Variants in CSGALNACT1 observed in about 807,000 individuals in gnomAD.
The protein encoded by CSGALNACT1 is beta4GalNAcT-1.
In CSGALNACT1, 52 loss-of-function variants were observed where a neutral mutation model predicts 51.0. The observed-to-expected ratio is 1.02, with a 90% CI of 0.82 to 1.29. The LOEUF (loss-of-function observed/expected upper bound fraction) is 1.29, where lower values mean the gene tolerates loss of function less well. Among genes scored for constraint, CSGALNACT1 ranks in the 50% most tolerant of loss-of-function variants. The pLI is 0.00. For synonymous variants in CSGALNACT1, 341 were observed against 254.4 expected (o/e 1.34, Z -3.24); for missense variants, 935 against 679.2 (o/e 1.38, Z -4.19).
intron 3 of CSGALNACT1, among the ~76,000 whole-genome samples, chr8:19,551,696 G>A (rs908495884): frequency 5.9e-5 from 9 of 151,980 alleles, no homozygotes; most frequent in Admixed American, 1.3e-4. Flanking sequence ...CTTGGCTTTC[G>A]GTACTCTCCC....
chr8:19,458,308 G>C, intron 5 of CSGALNACT1, 118 bp downstream of exon 4: 3 of 913,508 alleles, frequency 3.3e-6, no homozygotes, highest in Admixed American at 3.4e-5. Flanking sequence ...AAACAGAGCT[G>C]AATAAGAGAA....
intron 1 of CSGALNACT1, among the ~76,000 whole-genome samples, chr8:19,751,503 T>C (rs977235179): frequency 1.3e-5 from 2 of 152,186 alleles, no homozygotes; most frequent in African/African-American, 4.8e-5. Context: ...CTGAATCCTC[T>C]GTTCCAGATT....
intron 3 of CSGALNACT1, among the ~76,000 whole-genome samples, chr8:19,554,539 G>A (rs2089195408): frequency 2.3e-5 from 1 of 44,110 alleles, no homozygotes; most frequent in Non-Finnish European, 4.0e-5. Context: ...CAACCATATT[G>A]AGCAAACTGA....
rs1564387675 is a variant in CSGALNACT1 at position 19,667,099 on chromosome 8, G to GAAA, written c.-544+15373_-544+15374insTTT. The stretch of plus-strand genomic sequence containing the variant: ...AGAAAGAAAGAAAGAAAGAAAGAAA[G>GAAA]GGAAAGAAATCTCATCACAATATCA... On this transcript the variant is annotated intron_variant, in intron 1 of 9. Transcript: ENST00000332246. Among the ~76,000 whole-genome samples, 187 of 111,556 alleles carry GAAA rather than the reference G, an allele frequency of 1.7e-3. 27 individuals are homozygous for GAAA. Among genetic ancestry groups the GAAA allele is most frequent in the Middle Eastern group, 4.2e-3 (1 of 236 alleles). 73.2% of individuals were successfully genotyped at this position (111,556 alleles called of 152,430 possible).
intron 6 of CSGALNACT1, among the ~76,000 whole-genome samples, chr8:19,439,492 C>T (rs1339073627): frequency 5.3e-5 from 8 of 152,212 alleles, no homozygotes; most frequent in Non-Finnish European, 2.9e-5. Flanking sequence ...AATTCCTACT[C>T]TGCAACATAA....
intron 1 of CSGALNACT1, among the ~76,000 whole-genome samples, chr8:19,614,377 T>G (rs1193950380): frequency 6.6e-6 from 1 of 152,206 alleles, no homozygotes; most frequent in Non-Finnish European, 1.5e-5. Flanking sequence ...CCATCCTGCC[T>G]CATAACACAA....
At chr8:19,420,490 T>G in exon 7 of CSGALNACT1, 1 of 1,614,112 alleles carries the variant, frequency 6.2e-7, no homozygotes, top group South Asian at 1.1e-5. Context: ...TTCAGCTGGA[T>G]GAAGGTAAAG....
chr8:19,553,614 TAAATAC>T (rs1564019266), intron 3 of CSGALNACT1, among the ~76,000 whole-genome samples: 1 of 134,430 alleles, frequency 7.4e-6, no homozygotes, highest in African/African-American at 3.1e-5. Flanking sequence ...TTTATGTATA[TAAATAC>T]ATATATATAT....
intron 1 of CSGALNACT1, among the ~76,000 whole-genome samples, chr8:19,742,320 G>A (rs984740432): frequency 4.6e-5 from 7 of 152,196 alleles, no homozygotes; most frequent in Non-Finnish European, 1.0e-4. Context: ...CCACAGTGCC[G>A]TATAAACTGA....
intron 1 of CSGALNACT1, among the ~76,000 whole-genome samples, chr8:19,737,537 G>C (rs1046746000): frequency 7.3e-5 from 11 of 149,818 alleles, no homozygotes; most frequent in Non-Finnish European, 1.0e-4. Context: ...ATTTCTAAGA[G>C]AACAACTGGA....
chr8:19,466,130 G>T (rs1368265232), intron 4 of CSGALNACT1, among the ~76,000 whole-genome samples: 1 of 152,104 alleles, frequency 6.6e-6, no homozygotes, highest in Non-Finnish European at 1.5e-5. Context: ...TGAAAGGGGG[G>T]ATTTTTAATG....
chr8:19,743,174 T>G (rs536797126), intron 1 of CSGALNACT1, among the ~76,000 whole-genome samples: 1 of 152,322 alleles, frequency 6.6e-6, no homozygotes, highest in African/African-American at 2.4e-5. Context: ...AAAGCCACTT[T>G]CAAAACCCCA....
At chr8:19,405,983 G>T in exon 10 of CSGALNACT1, 1 of 1,614,170 alleles carries the variant, frequency 6.2e-7, no homozygotes, top group Non-Finnish European at 8.5e-7. Context: ...ACAGGCGTCC[G>T]TACCACTATG....
chr8:19,755,475 A>AAAAAAAAAAAAAAAAAAAC (rs1277905827), intron 1 of CSGALNACT1, among the ~76,000 whole-genome samples: 1 of 149,422 alleles, frequency 6.7e-6, no homozygotes. Context: ...AAAAAAAAAA[A>AAAAAAAAAAAAAAAAAAAC]AAAAAAGACA....
exon 4 of CSGALNACT1, chr8:19,505,252 C>T: frequency 6.2e-7 from 1 of 1,614,148 alleles, no homozygotes; most frequent in Non-Finnish European, 8.5e-7. Flanking sequence ...CTGTTCTCTG[C>T]AGGACTGTTC....
At chr8:19,528,594 TTTCTGAG>T (rs2082164906) in intron 3 of CSGALNACT1, among the ~76,000 whole-genome samples, 1 of 91,600 alleles carries the variant, frequency 1.1e-5, no homozygotes, top group African/African-American at 6.0e-5. Context: ...AGAATTACTC[TTTCTGAG>T]GAGATCCAAT....
intron 1 of CSGALNACT1, among the ~76,000 whole-genome samples, chr8:19,644,037 T>G (rs1235515786): frequency 6.6e-6 from 1 of 152,348 alleles, no homozygotes; most frequent in Non-Finnish European, 1.5e-5. Flanking sequence ...GTAATTTACA[T>G]GCCTAACATT....
chr8:19,668,505 G>C (rs1441723384), intron 1 of CSGALNACT1, among the ~76,000 whole-genome samples: 2 of 152,254 alleles, frequency 1.3e-5, no homozygotes, highest in Non-Finnish European at 2.9e-5. Context: ...TACTTCATGA[G>C]TAAACTCAAA....
intron 6 of CSGALNACT1, among the ~76,000 whole-genome samples, chr8:19,430,150 A>G (rs1459837742): frequency 2.6e-5 from 4 of 152,204 alleles, no homozygotes; most frequent in Non-Finnish European, 5.9e-5. Context: ...TTATCCCATT[A>G]TATAAGCTGT....
Sources: allele counts gnomAD v4.1 joint callset (sites outside exome capture counted in the v4.1 genomes callset), GRCh38; gene constraint gnomAD v4.1.1; transcripts MANE v1.5; gene names NCBI Gene and HGNC (gene_info 2026-07-23, HGNC 2026-07-21).